The following HACD4 variants were observed in gnomAD, a reference collection of about 807,000 sequenced individuals.
HACD4 encodes the protein very-long-chain (3R)-3-hydroxyacyl-CoA dehydratase 4.
A neutral mutation model predicts 33.3 loss-of-function variants in HACD4; 35 were observed. The ratio of observed to expected loss-of-function variants is 1.05; its 90% confidence interval spans 0.80 to 1.39. HACD4 has a LOEUF of 1.39. Among genes scored for constraint, HACD4 ranks in the 40% most tolerant of loss-of-function variants. The pLI is 0.00. For missense variants in HACD4, 323 were observed against 276.5 expected (o/e 1.17, Z -1.19); for synonymous variants, 118 against 98.0 (o/e 1.20, Z -1.21).
At chr9:21,023,592 T>G (rs1037672189) in intron 3 of HACD4, among the ~76,000 whole-genome samples, 1 of 150,346 alleles carries the variant, frequency 6.7e-6, no homozygotes, top group Non-Finnish European at 1.5e-5. Flanking sequence ...TTTTTTTTTT[T>G]GAGACGGAGT....
At chr9:21,031,085 A>G (rs1345799641) in intron 1 of HACD4, among the ~76,000 whole-genome samples, 1 of 152,200 alleles carries the variant, frequency 6.6e-6, no homozygotes, top group Non-Finnish European at 1.5e-5. Flanking sequence ...TTGTATCAGA[A>G]TTACCTGGCT....
chr9:21,017,009 A>T (rs1842572047), intron 3 of HACD4, among the ~76,000 whole-genome samples: 1 of 152,120 alleles, frequency 6.6e-6, no homozygotes, highest in Non-Finnish European at 1.5e-5. Context: ...TATATCCTGT[A>T]CATTCTGTAT....
intron 5 of HACD4, among the ~76,000 whole-genome samples, chr9:21,010,735 A>C (rs1000769530): frequency 6.6e-6 from 1 of 152,094 alleles, no homozygotes; most frequent in Non-Finnish European, 1.5e-5. Context: ...CATAATGCAG[A>C]ATCAGTGGGA....
Position 21,031,538 on chromosome 9 carries a change from GGCCGAGCGCCCTACCTGGGCTGCA to G in HACD4, c.29_38+14del. On this transcript the variant is annotated splice_donor_variant and splice_donor_5th_base_variant and coding_sequence_variant and intron_variant, in exon 1 of 7. Transcript: ENST00000495827. LOFTEE classifies it high-confidence loss of function. ...CCCGCGCCCCCTCCCCTCGGGATTC[GGCCGAGCGCCCTACCTGGGCTGCA>G]GCCAGGCGGGCAGCGCCAAGGGCCC... 1 of 1,463,554 alleles carries G rather than the reference GGCCGAGCGCCCTACCTGGGCTGCA, an allele frequency of 6.8e-7. No homozygotes were observed. The highest frequency in any genetic ancestry group is 9.0e-7 in the Non-Finnish European group (1 of 1,114,616). 90.7% of individuals were successfully genotyped at this position (1,463,554 alleles called of 1,614,324 possible). A position where few individuals can be genotyped will look rare whatever the true frequency, so the allele number is the denominator to read the frequency against.
At chr9:21,026,917 A>G (rs1296565901) in intron 2 of HACD4, among the ~76,000 whole-genome samples, 194 bp from the exon 3 acceptor site, 1 of 152,244 alleles carries the variant, frequency 6.6e-6, no homozygotes, top group Non-Finnish European at 1.5e-5. Context: ...ACTGTAGTCT[A>G]TTTTAATTGC....
chr9:21,023,417 AC>A (rs1817978337), intron 3 of HACD4, among the ~76,000 whole-genome samples: 1 of 152,078 alleles, frequency 6.6e-6, no homozygotes, highest in Non-Finnish European at 1.5e-5. Flanking sequence ...CAGCACAAAA[AC>A]AAACCTATCC....
chr9:21,012,170 T>G (rs760340702), intron 4 of HACD4, among the ~76,000 whole-genome samples: 12 of 152,230 alleles, frequency 7.9e-5, no homozygotes, highest in Non-Finnish European at 1.2e-4. Context: ...CCTTGGGAGC[T>G]GATTTGGGTA....
intron 3 of HACD4, among the ~76,000 whole-genome samples, chr9:21,022,882 G>T (rs1392728606): frequency 6.6e-6 from 1 of 151,734 alleles, no homozygotes; most frequent in Non-Finnish European, 1.5e-5. Context: ...ATACCCAAAG[G>T]ACTATAAATC....
rs1842146278 is a variant in HACD4, at chr9:21,000,217, C to G, written c.*6820G>C. The G allele has an allele frequency of 6.6e-6, 1 of 152,136 alleles. No individual in the cohort carries two copies. Among genetic ancestry groups the G allele is most frequent in the African/African-American group, 2.4e-5 (1 of 41,444 alleles). The allele number at this position is 152,136 out of a possible 1,614,324, so 9.4% of individuals were successfully genotyped here. A position where few individuals can be genotyped will look rare whatever the true frequency, so the allele number is the denominator to read the frequency against. ...ACCTTATTTTAGATGAGATTTAAAA[C>G]TCCAGCTACCCTTAGCAAAAATAAA... On this transcript the variant is annotated 3_prime_UTR_variant, in exon 7 of 7. Coordinates refer to ENST00000495827, the MANE Select transcript of HACD4 (RefSeq NM_001010915.5).
chr9:21,010,172 G>A (rs1172882800), intron 5 of HACD4, among the ~76,000 whole-genome samples: 1 of 152,094 alleles, frequency 6.6e-6, no homozygotes, highest in East Asian at 1.9e-4. Flanking sequence ...ACCTTAACAT[G>A]CTTTCTTATT....
chr9:21,027,393 C>T (rs750299083), intron 2 of HACD4, among the ~76,000 whole-genome samples: 4 of 152,170 alleles, frequency 2.6e-5, no homozygotes, highest in Non-Finnish European at 5.9e-5. Context: ...AAATGTGTTG[C>T]TTTAAGTTCT....
rs1415678774 is a variant in HACD4 at position 21,030,490 on chromosome 9, T to G, written c.38+1063A>C. On this transcript the variant is annotated intron_variant, in intron 1 of 6. Coordinates refer to ENST00000495827, the MANE Select transcript of HACD4 (RefSeq NM_001010915.5). ...ACAAAACAACAACAACAACAAAAAA[T>G]CCATGTGTGCAGAGTGGTTGACATG... 2.0e-5 allele frequency among the ~76,000 whole-genome samples: 3 copies of G among 152,094 alleles called. No homozygotes were observed. In the South Asian group the frequency reaches 6.2e-4, roughly 32 times the overall value.
intron 3 of HACD4, among the ~76,000 whole-genome samples, chr9:21,021,928 C>A (rs1009392069): frequency 2.6e-5 from 4 of 152,146 alleles, no homozygotes; most frequent in African/African-American, 9.7e-5. Flanking sequence ...CCAAGACAAT[C>A]CTAAGCCAAA....
At chr9:21,026,505 C>G in intron 3 of HACD4, 91 bp downstream of exon 3, 1 of 1,067,112 alleles carries the variant, frequency 9.4e-7, no homozygotes, top group Non-Finnish European at 1.4e-6. Context: ...CAAGGGTTGG[C>G]TTTCTAACTG....
At chr9:21,023,160 C>G (rs189912172) in intron 3 of HACD4, among the ~76,000 whole-genome samples, 1 of 136,072 alleles carries the variant, frequency 7.3e-6, no homozygotes, top group African/African-American at 2.8e-5. Context: ...CAGGTGGGAA[C>G]TGAACAATGA....
chr9:21,012,538 C>A (rs1036130708), intron 4 of HACD4, among the ~76,000 whole-genome samples: 1 of 152,184 alleles, frequency 6.6e-6, no homozygotes, highest in Non-Finnish European at 1.5e-5. Flanking sequence ...CTGAATTCCA[C>A]CCCTCAGAGA....
chr9:21,010,440 A>T, intron 5 of HACD4, among the ~76,000 whole-genome samples: 1 of 123,076 alleles, frequency 8.1e-6, no homozygotes, highest in Admixed American at 9.5e-5. Context: ...AAAGAAACAG[A>T]CTCAGACATC....
chr9:21,018,100 C>T (rs1817809579), intron 3 of HACD4, among the ~76,000 whole-genome samples: 1 of 152,112 alleles, frequency 6.6e-6, no homozygotes, highest in African/African-American at 2.4e-5. Context: ...CAATCTAATT[C>T]GTTAACAAAT....
chr9:21,022,974 C>T (rs1199029879), intron 3 of HACD4, among the ~76,000 whole-genome samples: 1 of 152,026 alleles, frequency 6.6e-6, no homozygotes, highest in Non-Finnish European at 1.5e-5. Flanking sequence ...AACCCAAATG[C>T]CCATCAATGA....
Sources: allele counts gnomAD v4.1 joint callset (sites outside exome capture counted in the v4.1 genomes callset), GRCh38; gene constraint gnomAD v4.1.1; transcripts MANE v1.5; gene names NCBI Gene and HGNC (gene_info 2026-07-23, HGNC 2026-07-21).